The following COL4A5 variants were observed in gnomAD, a reference collection of about 807,000 sequenced individuals.
COL4A5 encodes collagen alpha-5(IV) chain.
In COL4A5, 26 loss-of-function variants were observed where a neutral mutation model predicts 130.2. The ratio of observed to expected loss-of-function variants is 0.20; its 90% CI spans 0.15 to 0.28. The LOEUF is 0.28. COL4A5 is among the 10% of genes least tolerant of loss of function. COL4A5 has a pLI of 1.00. For synonymous variants in COL4A5, 496 were observed against 439.6 expected, an observed-to-expected ratio of 1.13 and a Z score of -1.60; for missense variants, 1,131 against 1,344.3, an observed-to-expected ratio of 0.84 and a Z score of 2.48.
chrX:108,482,108 A>G (rs1480898136), intron 1 of COL4A5, among the ~76,000 whole-genome samples: 1 of 111,712 alleles, frequency 9.0e-6, no homozygotes, highest in East Asian at 2.8e-4. Flanking sequence ...GTGGGCCCAA[A>G]TCAACAAATT....
intron 42 of COL4A5, among the ~76,000 whole-genome samples, chrX:108,671,109 A>G (rs1428739799): frequency 9.0e-6 from 1 of 111,590 alleles, no homozygotes; most frequent in Non-Finnish European, 1.9e-5. Context: ...ACATGTGTAA[A>G]CAGTACACAC....
intron 2 of COL4A5, among the ~76,000 whole-genome samples, chrX:108,555,550 TTATAA>T (rs1396239897): frequency 8.9e-6 from 1 of 112,229 alleles, no homozygotes; most frequent in East Asian, 2.8e-4. Context: ...TTTTACAATA[TTATAA>T]TCTGAAGTAA....
chrX:108,693,770 C>G (rs1351257619), intron 50 of COL4A5: 1 of 111,072 alleles, frequency 9.0e-6, no homozygotes, highest in African/African-American at 3.3e-5. Context: ...AGATTTGGAG[C>G]ATGAGTAACT....
chrX:108,448,184 A>G (rs2064473890), intron 1 of COL4A5, among the ~76,000 whole-genome samples: 1 of 112,325 alleles, frequency 8.9e-6, no homozygotes, highest in African/African-American at 3.2e-5. Context: ...GGCAAATGTT[A>G]TAAAAGAAAC....
rs761897770 is a variant in COL4A5, at chrX:108,692,908, C to A, written c.4689C>A (p.Ile1563=). ...MSMQPLKGQS[I]QPFISRCAVC... is the part of the protein sequence containing the mutation. The stretch of plus-strand genomic sequence containing the variant: ...TGCAACCCCTAAAGGGCCAGAGCAT[C>A]CAGCCATTCATTAGTCGGTAAGGCA... Residue 1563 remains isoleucine (I), a synonymous_variant, in exon 50 of 53, where the codon ATC becomes ATA. Coordinates refer to ENST00000328300, the MANE Select transcript of COL4A5 (RefSeq NM_033380.3). 3 of 1,211,685 alleles carry A rather than the reference C, an allele frequency of 2.5e-6. No homozygotes were observed. The highest frequency in any genetic ancestry group is 3.4e-6 in the Non-Finnish European group (3 of 895,427).
chrX:108,685,998 C>T (rs746582241), intron 47 of COL4A5, 33 bp from the exon 48 acceptor site: 12 of 1,070,301 alleles, frequency 1.1e-5, no homozygotes, highest in Non-Finnish European at 1.2e-5. Context: ...AAATATTCTA[C>T]TCATATTTGA....
chrX:108,595,006 A>G (rs764611039), intron 21 of COL4A5, among the ~76,000 whole-genome samples: 1 of 109,102 alleles, frequency 9.2e-6, no homozygotes, highest in South Asian at 4.1e-4. Context: ...AAGTACAGGC[A>G]TGCACCACCA....
At chrX:108,447,133 C>G (rs746272658) in intron 1 of COL4A5, among the ~76,000 whole-genome samples, 5 of 111,126 alleles carry the variant, frequency 4.5e-5, no homozygotes, top group Non-Finnish European at 9.4e-5. Flanking sequence ...TTTCCCCACC[C>G]CTCTCACCAG....
At chrX:108,589,128 C>G (rs2066389874) in intron 19 of COL4A5, among the ~76,000 whole-genome samples, 1 of 111,434 alleles carries the variant, frequency 9.0e-6, no homozygotes, top group Non-Finnish European at 1.9e-5. Context: ...TAATTGTAAA[C>G]ATTATTAACG....
At chrX:108,637,559 A>G (rs1220006515) in intron 36 of COL4A5, among the ~76,000 whole-genome samples, 1 of 111,945 alleles carries the variant, frequency 8.9e-6, no homozygotes, top group Non-Finnish European at 1.9e-5. Flanking sequence ...TAGCTTGACT[A>G]CAAGAAAAAG....
chrX:108,650,577 C>T (rs960404058), intron 36 of COL4A5, among the ~76,000 whole-genome samples: 1 of 111,489 alleles, frequency 9.0e-6, no homozygotes, highest in Non-Finnish European at 1.9e-5. Context: ...TACATATATA[C>T]AATGGAATTC....
At chrX:108,441,762 G>T (rs2064402372) in intron 1 of COL4A5, among the ~76,000 whole-genome samples, 1 of 111,601 alleles carries the variant, frequency 9.0e-6, no homozygotes. Flanking sequence ...TTGGCCCAGG[G>T]ACAAAGATTT....
chrX:108,513,608 A>G (rs1168487095), intron 1 of COL4A5, among the ~76,000 whole-genome samples: 1 of 111,744 alleles, frequency 8.9e-6, no homozygotes, highest in East Asian at 2.8e-4. Flanking sequence ...GTTGAGCTGT[A>G]GTAATTCCTT....
chrX:108,564,728 G>A (rs757382161), intron 4 of COL4A5, among the ~76,000 whole-genome samples: 2 of 111,922 alleles, frequency 1.8e-5, no homozygotes, highest in Non-Finnish European at 3.8e-5. Flanking sequence ...GATTGATGAA[G>A]CTCTCTAATT....
chrX:108,484,313 GTC>G (rs1286225761), intron 1 of COL4A5, among the ~76,000 whole-genome samples: 1 of 111,650 alleles, frequency 9.0e-6, no homozygotes, highest in Non-Finnish European at 1.9e-5. Context: ...TCTGGGATTG[GTC>G]TCTGGTGCTT....
intron 50 of COL4A5, among the ~76,000 whole-genome samples, chrX:108,693,394 G>T (rs1015473143): frequency 2.7e-5 from 3 of 111,530 alleles, no homozygotes; most frequent in African/African-American, 9.8e-5. Flanking sequence ...ATGACAATGG[G>T]TAATAAAACA....
At chrX:108,453,900 G>A (rs920227617) in intron 1 of COL4A5, among the ~76,000 whole-genome samples, 6 of 111,888 alleles carry the variant, frequency 5.4e-5, no homozygotes, top group South Asian at 3.7e-4. Context: ...GATTGTACTC[G>A]TCTTGCCTAC....
chrX:108,629,523 T>C (rs1165268496), intron 36 of COL4A5, among the ~76,000 whole-genome samples: 3 of 111,001 alleles, frequency 2.7e-5, no homozygotes, highest in Non-Finnish European at 5.7e-5. Context: ...GTATGGAATA[T>C]GAGAGAGAGG....
chrX:108,678,858 T>C (rs1027300439), intron 44 of COL4A5, among the ~76,000 whole-genome samples: 2 of 112,240 alleles, frequency 1.8e-5, no homozygotes, highest in Non-Finnish European at 3.8e-5. Flanking sequence ...GGCCAAGTCA[T>C]GTTTTGCATT....
Sources: allele counts gnomAD v4.1 joint callset (sites outside exome capture counted in the v4.1 genomes callset), GRCh38; gene constraint gnomAD v4.1.1; transcripts MANE v1.5; gene names NCBI Gene and HGNC (gene_info 2026-07-23, HGNC 2026-07-21).